The following TEX9 variants were observed in gnomAD, a reference collection of about 807,000 sequenced individuals.
TEX9 encodes testis expressed 9, also known as testis-expressed protein 9.
A neutral mutation model predicts 59.6 loss-of-function variants in TEX9; 74 were observed. That is an observed-to-expected ratio of 1.24 (90% CI 1.03 to 1.51). The LOEUF is 1.51. TEX9 is among the 40% of genes most tolerant of loss of function. TEX9 has a pLI of 0.00. For missense variants in TEX9, 522 were observed against 447.8 expected (o/e 1.17, Z -1.49); for synonymous variants, 186 against 152.2 (o/e 1.22, Z -1.64).
intron 1 of TEX9, among the ~76,000 whole-genome samples, chr15:56,271,851 A>G (rs2044540665): frequency 1.3e-5 from 2 of 152,232 alleles, no homozygotes. Flanking sequence ...TTAAAAATGT[A>G]CAATTTAGGC....
chr15:56,384,385 A>C (rs539881966), intron 4 of TEX9, among the ~76,000 whole-genome samples: 11 of 152,262 alleles, frequency 7.2e-5, no homozygotes, highest in African/African-American at 2.6e-4. Flanking sequence ...AAGTTTAGTT[A>C]ATCTCTTCCA....
intron 1 of TEX9, among the ~76,000 whole-genome samples, chr15:56,274,883 A>T (rs533901401): frequency 1.3e-5 from 2 of 152,242 alleles, no homozygotes; most frequent in East Asian, 3.9e-4. Flanking sequence ...GGTGAGAATT[A>T]GTTTGCTGGA....
chr15:56,452,227 G>A, the TEX9 span, among the ~76,000 whole-genome samples: 1 of 152,084 alleles, frequency 6.6e-6, no homozygotes, highest in East Asian at 1.9e-4. Flanking sequence ...ATAAAGAAAC[G>A]AAACACAGCA....
intron 4 of TEX9, among the ~76,000 whole-genome samples, chr15:56,387,226 G>A (rs1341437897): frequency 6.6e-6 from 1 of 151,844 alleles, no homozygotes; most frequent in Non-Finnish European, 1.5e-5. Flanking sequence ...GAAATCTGAT[G>A]GAGACAGATA....
chr15:56,247,787 T>C (rs1221928275), intron 1 of TEX9, among the ~76,000 whole-genome samples: 4 of 152,206 alleles, frequency 2.6e-5, no homozygotes, highest in Middle Eastern at 3.2e-3. Context: ...TTACCAGATA[T>C]GGAAAAGGTA....
intron 3 of TEX9, among the ~76,000 whole-genome samples, chr15:56,381,721 C>T (rs2047733775): frequency 6.6e-6 from 1 of 152,242 alleles, no homozygotes; most frequent in African/African-American, 2.4e-5. Context: ...CTCTTTCTCT[C>T]TGTGCTGAGC....
At chr15:56,377,023 T>C (rs886960280) in intron 3 of TEX9, among the ~76,000 whole-genome samples, 2 of 152,200 alleles carry the variant, frequency 1.3e-5, no homozygotes, top group Admixed American at 6.5e-5. Context: ...TTTTATCCAG[T>C]GTATGTTCTT....
intron 1 of TEX9, among the ~76,000 whole-genome samples, chr15:56,336,967 C>A (rs2141808473): frequency 6.6e-6 from 1 of 152,218 alleles, no homozygotes; most frequent in East Asian, 1.9e-4. Flanking sequence ...GTACTTTAAC[C>A]CTGAAGAGGG....
intron 1 of TEX9, among the ~76,000 whole-genome samples, chr15:56,334,497 C>T (rs1331017004): frequency 6.6e-6 from 1 of 151,986 alleles, no homozygotes; most frequent in Non-Finnish European, 1.5e-5. Flanking sequence ...GTGCCATATA[C>T]AAAAATCAAA....
chr15:56,360,927 T>C (rs1204233456), upstream of TEX9, among the ~76,000 whole-genome samples: 3 of 152,208 alleles, frequency 2.0e-5, no homozygotes, highest in African/African-American at 7.2e-5. Flanking sequence ...CAATAGAGGC[T>C]CTAGTCCAGG....
intron 2 of TEX9, among the ~76,000 whole-genome samples, chr15:56,366,876 A>G (rs1380365198): frequency 1.3e-5 from 2 of 152,342 alleles, no homozygotes; most frequent in Admixed American, 1.3e-4. Context: ...TAGGAAGATA[A>G]TCATATCTTC....
At chr15:56,298,187 C>A (rs561437348) in intron 1 of TEX9, among the ~76,000 whole-genome samples, 1 of 152,162 alleles carries the variant, frequency 6.6e-6, no homozygotes, top group Non-Finnish European at 1.5e-5. Flanking sequence ...CAGTACCACC[C>A]TGTTTTCATT....
At chr15:56,365,594 G>C (rs771968658) in exon 2 of TEX9, 1 of 1,614,200 alleles carries the variant, frequency 6.2e-7, no homozygotes, top group Admixed American at 1.7e-5. Context: ...CAGCGTTCCA[G>C]GGACTCCGTT....
chr15:56,262,102 A>G (rs75506988), intron 1 of TEX9, among the ~76,000 whole-genome samples: 6,711 of 152,312 alleles, frequency 0.044, 227 homozygotes, highest in Admixed American at 0.087. Context: ...AGGGAAAACT[A>G]TGCATCCTGG....
At chr15:56,430,998 C>T (rs2050576098) in intron 12 of TEX9, among the ~76,000 whole-genome samples, 1 of 152,034 alleles carries the variant, frequency 6.6e-6, no homozygotes, top group Non-Finnish European at 1.5e-5. Flanking sequence ...CTGTCCTTAC[C>T]AAAAATACAA....
chr15:56,401,752 G>A (rs2048796569), intron 9 of TEX9, among the ~76,000 whole-genome samples: 2 of 152,290 alleles, frequency 1.3e-5, no homozygotes, highest in Non-Finnish European at 2.9e-5. Context: ...CTCAGCAAAT[G>A]TAAAAGAACA....
At chr15:56,382,266 C>A (rs1489042340) in intron 3 of TEX9, among the ~76,000 whole-genome samples, 1 of 152,166 alleles carries the variant, frequency 6.6e-6, no homozygotes, top group African/African-American at 2.4e-5. Flanking sequence ...AGTGGGCTCC[C>A]CTCTGGCCCT....
chr15:56,357,999 G>A (rs1419256701), intron 1 of TEX9, among the ~76,000 whole-genome samples: 3 of 152,056 alleles, frequency 2.0e-5, no homozygotes, highest in Non-Finnish European at 2.9e-5. Flanking sequence ...CTTAACCTGG[G>A]AATTTAGTGG....
chr15:56,290,773 G>A (rs1222897672), intron 1 of TEX9, among the ~76,000 whole-genome samples: 4 of 151,456 alleles, frequency 2.6e-5, no homozygotes, highest in Non-Finnish European at 5.9e-5. Context: ...TCCTTTCTAT[G>A]TGGTTATTCT....
Sources: allele counts gnomAD v4.1 joint callset (sites outside exome capture counted in the v4.1 genomes callset), GRCh38; gene constraint gnomAD v4.1.1; transcripts MANE v1.5; gene names NCBI Gene and HGNC (gene_info 2026-07-23, HGNC 2026-07-21).